Variants in COL6A3 observed in about 807,000 individuals in gnomAD.
The protein encoded by COL6A3 is collagen alpha-3(VI) chain.
A neutral mutation model predicts 274.1 loss-of-function variants in COL6A3; 137 were observed. The observed-to-expected ratio is 0.50, with a 90% CI of 0.44 to 0.58. The LOEUF (loss-of-function observed/expected upper bound fraction) is 0.58, where lower values mean the gene tolerates loss of function less well. COL6A3 is among the 20% of genes least tolerant of loss of function. The pLI is 0.00. For synonymous variants in COL6A3, 1,650 were observed against 1,650.6 expected, an observed-to-expected ratio of 1.00 and a Z score of 0.01; for missense variants, 3,950 against 4,124.9, an observed-to-expected ratio of 0.96 and a Z score of 1.16.
At chr2:237,406,522 C>T (rs117125844) in intron 1 of COL6A3, among the ~76,000 whole-genome samples, 1,819 of 152,278 alleles carry the variant, frequency 0.012, 67 homozygotes, top group Admixed American at 0.058. Flanking sequence ...TGCACACTGA[C>T]TGTGAAATAG....
chr2:237,371,624 A>T lies in COL6A3; in HGVS notation c.4285+108T>A. ...AAATAAAAACCATAAAGGTAAGGGC[A>T]TACAACCTTTATTTTAATTTAATTT... On this transcript the variant is annotated intron_variant, in intron 9 of 43. Coordinates refer to ENST00000295550, the MANE Select transcript of COL6A3 (RefSeq NM_004369.4). The surrounding 1 kb of genome is among the most constrained non-coding windows in gnomAD (Gnocchi z 4.3). The T allele has an allele frequency of 3.3e-6, 5 of 1,508,156 alleles. No individual in the cohort carries two copies. The highest frequency in any genetic ancestry group is 4.4e-6 in the Non-Finnish European group (5 of 1,134,692). The allele number at this position is 1,508,156 out of a possible 1,614,324, so 93.4% of individuals were successfully genotyped here. A position where few individuals can be genotyped will look rare whatever the true frequency, so the allele number is the denominator to read the frequency against.
At chr2:237,399,395 T>C (rs1284932611) in intron 1 of COL6A3, among the ~76,000 whole-genome samples, 2 of 152,172 alleles carry the variant, frequency 1.3e-5, no homozygotes, top group Non-Finnish European at 2.9e-5. Context: ...GTGAGGAGCA[T>C]GTGGTAGCCT....
intron 14 of COL6A3, among the ~76,000 whole-genome samples, chr2:237,362,351 C>G (rs138322391): frequency 6.6e-6 from 1 of 152,212 alleles, no homozygotes; most frequent in South Asian, 2.1e-4. Flanking sequence ...GTCCTGGCCT[C>G]GGAGCCAAAA....
At chr2:237,354,498 G>C (rs1437006207) in intron 24 of COL6A3, among the ~76,000 whole-genome samples, 1 of 152,092 alleles carries the variant, frequency 6.6e-6, no homozygotes, top group Non-Finnish European at 1.5e-5. Context: ...TGACTGTTCT[G>C]GTAAACTGTG....
rs1166588127 is a variant in COL6A3, at chr2:237,381,257, C to G, written c.1555G>C (p.Asp519His). The G allele has an allele frequency of 1.2e-6, 2 of 1,614,242 alleles. No homozygotes were observed. The highest frequency in any genetic ancestry group is 1.7e-6 in the Non-Finnish European group (2 of 1,180,046). The part of the protein sequence containing the change: ...ITAVRKMKPL[D>H]GSALYTGSAL... ...GAGCCCGTGTACAGGGCCGAGCCGTCCAGGGGCTTCATTTTCCGCACAGCG... is the reference window on the plus strand; with the variant it reads ...GAGCCCGTGTACAGGGCCGAGCCGTGCAGGGGCTTCATTTTCCGCACAGCG... Residue 519 changes from aspartate (D) to histidine (H), a missense_variant, in exon 5 of 44, where the codon GAC (aspartate) becomes CAC (histidine). Around this residue, in one of 5 missense-constraint regions of COL6A3, gnomAD observed 1,934 missense variants for 1,984.3 expected, o/e 0.97. Transcript: ENST00000295550.
intron 3 of COL6A3, among the ~76,000 whole-genome samples, chr2:237,391,172 T>G (rs2078276214): frequency 6.6e-6 from 1 of 152,178 alleles, no homozygotes; most frequent in African/African-American, 2.4e-5. Flanking sequence ...TTATCCTATG[T>G]TTTTGCCGTG....
chr2:237,390,521 T>C (rs2078261287), intron 3 of COL6A3, among the ~76,000 whole-genome samples: 1 of 152,226 alleles, frequency 6.6e-6, no homozygotes, highest in African/African-American at 2.4e-5. Context: ...ATCAGATCTA[T>C]GCACAATTTA....
At position 237,351,264 on chromosome 2, in the gene COL6A3, C is replaced by T. The variant is rs1320925000; in HGVS notation, c.6754-72G>A. ...AGGCAAATTGGTCTCTGAAACCTGA[C>T]TCTCCCCTGCATGGAAGTCAGAGCC... On this transcript the variant is annotated intron_variant, in intron 26 of 43. Transcript: ENST00000295550. The T allele has an allele frequency of 3.5e-6, 5 of 1,443,842 alleles. No homozygotes were observed. The African/African-American group carries it at 7.0e-5, about 20-fold the overall frequency. 89.4% of individuals were successfully genotyped at this position (1,443,842 alleles called of 1,614,324 possible). A position where few individuals can be genotyped will look rare whatever the true frequency, so the allele number is the denominator to read the frequency against.
chr2:237,385,098 C>T (rs1417093430), intron 4 of COL6A3, among the ~76,000 whole-genome samples: 1 of 152,172 alleles, frequency 6.6e-6, no homozygotes, highest in African/African-American at 2.4e-5. Context: ...AAATTCCCTT[C>T]CCCAGTCTTC....
At chr2:237,338,875 A>G in intron 39 of COL6A3, 140 bp downstream of exon 39, 1 of 667,648 alleles carries the variant, frequency 1.5e-6, no homozygotes, top group Non-Finnish European at 2.6e-6. Flanking sequence ...ATTATTTGAG[A>G]AGCATGACCC....
chr2:237,337,224 T>A lies in COL6A3; in HGVS notation c.8568-692A>T, dbSNP rs111668515. 4.1e-3 allele frequency among the ~76,000 whole-genome samples: 619 copies of A among 152,312 alleles called. 8 individuals are homozygous for A. The highest frequency in any genetic ancestry group is 0.013 in the African/African-American group (520 of 41,572). On this transcript the variant is annotated intron_variant, in intron 39 of 43. Coordinates refer to ENST00000295550, the MANE Select transcript of COL6A3 (RefSeq NM_004369.4). ...CTTGTCCTAGGAAGTATTAATATAT[T>A]TTCAAGTTAATATCATAAGACTTCA... is the stretch of plus-strand genomic sequence containing the variant.
Position 237,351,077 on chromosome 2 carries a change from T to G in COL6A3, c.6816+53A>C, listed in dbSNP as rs892720743. On this transcript the variant is annotated intron_variant, in intron 27 of 43. Transcript: ENST00000295550. ...CTGACCAAAGAGGGAGAGGGGCATG[T>G]GTGCCTGGCTGGTCCCTGTCCTCAG... 4.5e-6 allele frequency: 7 copies of G among 1,553,674 alleles called. No individual in the cohort carries two copies. In the Admixed American group the frequency reaches 1.0e-4, roughly 22 times the overall value.
chr2:237,401,531 TC>T (rs1457330304), intron 1 of COL6A3, among the ~76,000 whole-genome samples: 1 of 152,080 alleles, frequency 6.6e-6, no homozygotes, highest in Non-Finnish European at 1.5e-5. Context: ...CAAAGAGTCT[TC>T]CAGGACTGTG....
chr2:237,333,650 T>C (rs746903494), intron 41 of COL6A3, 102 bp from the exon 42 acceptor site: 5 of 966,826 alleles, frequency 5.2e-6, no homozygotes, highest in Admixed American at 2.0e-5. Flanking sequence ...ATTAATGTCT[T>C]ATGTTGGGGA....
intron 32 of COL6A3, 68 bp from the exon 33 acceptor site, chr2:237,345,281 C>T (rs1317488766): frequency 6.6e-7 from 1 of 1,514,440 alleles, no homozygotes; most frequent in Admixed American, 1.7e-5. Context: ...AGGCTTTGGC[C>T]CCCAGAAATA....
chr2:237,371,888 C>A lies in COL6A3; in HGVS notation c.4129G>T (p.Glu1377Ter), dbSNP rs1420946936. 5 of 1,613,878 alleles carry A rather than the reference C, an allele frequency of 3.1e-6. No homozygotes were observed. Among genetic ancestry groups the A allele is most frequent in the Non-Finnish European group, 4.2e-6 (5 of 1,180,014 alleles). The change falls in exon 9 of 44, where the codon GAG (glutamate) becomes TAG (stop). Residue 1377 changes from glutamate to a stop codon, truncating the protein, a stop_gained. Coordinates refer to ENST00000295550, the MANE Select transcript of COL6A3 (RefSeq NM_004369.4). LOFTEE classifies it high-confidence loss of function. This position sits in a 1 kb window ranked among gnomAD's most constrained non-coding sequence, Gnocchi z 4.3. ...GGGCTCAGCGAGATCTTCACCAGCT[C>A]CTCCTGGTCTGCGTTCCTGGCGATC... is the stretch of plus-strand genomic sequence containing the variant. Reference protein sequence around the residue: ...FTIARNADQEELVKISLSPEY... With the variant: ...FTIARNADQE
chr2:237,348,718 C>A, intron 28 of COL6A3, 55 bp from the exon 29 acceptor site: 2 of 1,519,458 alleles, frequency 1.3e-6, no homozygotes, highest in Non-Finnish European at 1.8e-6. Context: ...ACACCATAAC[C>A]ACCGTCTCTG....
chr2:237,377,889 G>C (rs1372539956), intron 6 of COL6A3, among the ~76,000 whole-genome samples: 1 of 152,184 alleles, frequency 6.6e-6, no homozygotes, highest in Non-Finnish European at 1.5e-5. Flanking sequence ...TGCTGTGTGG[G>C]TCAGGCTCCT....
At chr2:237,359,472 C>A (rs1234768334) in intron 17 of COL6A3, 84 bp from the exon 18 acceptor site, 9 of 1,357,064 alleles carry the variant, frequency 6.6e-6, no homozygotes, top group East Asian at 2.3e-5. Context: ...GCTGTTCCCC[C>A]ACTCCACCCC....
Sources: gnomAD v4.1 joint callset for allele counts (sites outside exome capture counted in the v4.1 genomes callset) on GRCh38, gnomAD v4.1.1 for gene constraint, gnomAD v4.1.1 regional missense constraint, Gnocchi (gnomAD v3.1) non-coding constraint, MANE v1.5 for transcripts, NCBI Gene and HGNC (gene_info 2026-07-23, HGNC 2026-07-21) for gene names.